TIAM1: variants seen among roughly 807,000 people sequenced by gnomAD.
TIAM1 encodes rho guanine nucleotide exchange factor TIAM1.
A neutral mutation model predicts 163.5 loss-of-function variants in TIAM1; 65 were observed. The observed-to-expected ratio is 0.40, with a 90% CI of 0.33 to 0.49. The LOEUF (loss-of-function observed/expected upper bound fraction) is 0.49. Ranked by LOEUF, TIAM1 falls within the 20% of genes least tolerant of loss-of-function variation. TIAM1 has a pLI of 0.77. For synonymous variants in TIAM1, 833 were observed against 810.1 expected (o/e 1.03, Z -0.48); for missense variants, 1,789 against 2,044.7 (o/e 0.87, Z 2.41).
intron 1 of TIAM1, among the ~76,000 whole-genome samples, chr21:31,520,224 G>A (rs926868216): frequency 2.0e-5 from 3 of 151,880 alleles, no homozygotes; most frequent in Admixed American, 6.6e-5. Context: ...CAAGCTACTC[G>A]GGAGGCTGGG....
At chr21:31,519,888 T>C (rs2047520559) in intron 1 of TIAM1, among the ~76,000 whole-genome samples, 1 of 152,030 alleles carries the variant, frequency 6.6e-6, no homozygotes, top group Non-Finnish European at 1.5e-5. Flanking sequence ...TGCCAGGGCC[T>C]GGAGGGAGGG....
intron 2 of TIAM1, among the ~76,000 whole-genome samples, chr21:31,456,903 C>T (rs2147339738): frequency 6.6e-6 from 1 of 152,344 alleles, no homozygotes; most frequent in Admixed American, 6.5e-5. Context: ...CTCTCTCCTT[C>T]TCTCACAGTT....
At chr21:31,236,362 C>T (rs1275469940) in intron 6 of TIAM1, among the ~76,000 whole-genome samples, 1 of 152,134 alleles carries the variant, frequency 6.6e-6, no homozygotes, top group African/African-American at 2.4e-5. Context: ...AATATTTCTA[C>T]AGTGGCTGGC....
At chr21:31,202,261 T>G (rs1181833603) in intron 12 of TIAM1, among the ~76,000 whole-genome samples, 2 of 151,786 alleles carry the variant, frequency 1.3e-5, no homozygotes, top group African/African-American at 2.4e-5. Flanking sequence ...CCAATTAAAA[T>G]AAAAGACTGG....
intron 2 of TIAM1, among the ~76,000 whole-genome samples, chr21:31,324,774 A>T (rs2075430541): frequency 6.6e-6 from 1 of 152,210 alleles, no homozygotes; most frequent in African/African-American, 2.4e-5. Context: ...CTGGAGACAA[A>T]GATTTTGGCT....
intron 2 of TIAM1, among the ~76,000 whole-genome samples, chr21:31,300,721 A>T (rs2074464931): frequency 6.6e-6 from 1 of 152,248 alleles, no homozygotes; most frequent in Non-Finnish European, 1.5e-5. Flanking sequence ...ACTATTGTTG[A>T]CTAAAGATGA....
intron 2 of TIAM1, among the ~76,000 whole-genome samples, chr21:31,356,714 G>T (rs1376007844): frequency 6.6e-6 from 1 of 152,194 alleles, no homozygotes. Context: ...CATTTCTGTT[G>T]TTTATAAATT....
intron 1 of TIAM1, among the ~76,000 whole-genome samples, chr21:31,496,192 A>T (rs1313832030): frequency 1.3e-5 from 2 of 151,962 alleles, no homozygotes; most frequent in Admixed American, 1.3e-4. Flanking sequence ...AAAAGGATGT[A>T]AAGAAGGAGA....
chr21:31,401,559 A>G (rs2077164572), intron 2 of TIAM1, among the ~76,000 whole-genome samples: 1 of 152,206 alleles, frequency 6.6e-6, no homozygotes. Context: ...ACCACCCATC[A>G]TACATACACC....
At chr21:31,179,717 A>G (rs2084926426) in intron 15 of TIAM1, among the ~76,000 whole-genome samples, 1 of 152,166 alleles carries the variant, frequency 6.6e-6, no homozygotes, top group African/African-American at 2.4e-5. Context: ...TCCACCACAC[A>G]AAAGACCAGA....
chr21:31,317,221 G>A (rs1299035471), intron 2 of TIAM1, among the ~76,000 whole-genome samples: 3 of 152,196 alleles, frequency 2.0e-5, no homozygotes, highest in South Asian at 2.1e-4. Flanking sequence ...TTGGGAGGCC[G>A]AAGAGGGTGG....
chr21:31,395,565 T>C lies in TIAM1; in HGVS notation c.-368-56143A>G, dbSNP rs80227165. ...CCCTGCATTTTCTGCCACAGGAGAA[T>C]GTATTGTTCTCTCCAACTGAGAAAG... On this transcript the variant is annotated intron_variant, in intron 2 of 28. Coordinates refer to the TIAM1 transcript ENST00000286827. This position sits in a 1 kb window ranked among gnomAD's most constrained non-coding sequence, Gnocchi z 7.5. Among the ~76,000 whole-genome samples the C allele has an allele frequency of 0.03, 4,509 of 152,254 alleles. 229 individuals are homozygous for C. The highest frequency in any genetic ancestry group is 0.1 in the African/African-American group (4,295 of 41,536).
chr21:31,263,078 A>T (rs1055124316), intron 4 of TIAM1, among the ~76,000 whole-genome samples: 2 of 152,226 alleles, frequency 1.3e-5, no homozygotes, highest in Non-Finnish European at 2.9e-5. Flanking sequence ...TTAGACTAGG[A>T]AATGTGGGCG....
At chr21:31,154,477 A>G (rs1751295003) in intron 16 of TIAM1, 51 bp from the exon 17 acceptor site, 1 of 1,575,946 alleles carries the variant, frequency 6.3e-7, no homozygotes, top group Non-Finnish European at 8.7e-7. Flanking sequence ...CCCTCATTAG[A>G]CGCACCTGAC....
At chr21:31,407,802 AT>A (rs1263948093) in intron 2 of TIAM1, among the ~76,000 whole-genome samples, 3 of 151,546 alleles carry the variant, frequency 2.0e-5, no homozygotes, top group Non-Finnish European at 1.5e-5. Context: ...CGCCTGGGTA[AT>A]TTTTTTGTAT....
intron 6 of TIAM1, among the ~76,000 whole-genome samples, chr21:31,239,579 A>T (rs1173781946): frequency 6.6e-6 from 1 of 152,202 alleles, no homozygotes; most frequent in African/African-American, 2.4e-5. Flanking sequence ...AACAAATGAC[A>T]CCATTAAGAG....
intron 1 of TIAM1, among the ~76,000 whole-genome samples, chr21:31,516,081 A>C (rs116286270): frequency 0.12 from 17,467 of 141,298 alleles, 1,364 homozygotes; most frequent in African/African-American, 0.2. Context: ...ACACTCCGGC[A>C]TGGGAGATAC....
chr21:31,245,568 C>G lies in TIAM1; in HGVS notation c.1504G>C (p.Val502Leu). ...KHAVWVENSI[V>L]QAVPEHPKKD... ...TTGGGGTGCTCAGGCACCGCCTGCA[C>G]AATGCTGTTCTCCACCCAGACGGCG... is the stretch of plus-strand genomic sequence containing the variant. Residue 502 changes from valine (V) to leucine (L), a missense_variant, in exon 6 of 28, where the codon GTG becomes CTG. Val to Leu is a conservative substitution (Grantham distance 32). This residue lies in a region of TIAM1 where 456 missense variants were observed against 586.6 expected (regional missense o/e 0.78). Transcript: ENST00000541036. 6.2e-7 allele frequency: 1 copy of G among 1,607,882 alleles called. No homozygotes were observed. The highest frequency in any genetic ancestry group is 1.3e-5 in the African/African-American group (1 of 74,734).
chr21:31,395,257 T>C lies in TIAM1; in HGVS notation c.-368-55835A>G, dbSNP rs1602175884. Among the ~76,000 whole-genome samples the C allele has an allele frequency of 7.0e-6, 1 of 143,634 alleles. No individual in the cohort carries two copies. Among genetic ancestry groups the C allele is most frequent in the African/African-American group, 2.6e-5 (1 of 38,500 alleles). The allele number at this position is 143,634 out of a possible 152,430, so 94.2% of individuals were successfully genotyped here. A position where few individuals can be genotyped will look rare whatever the true frequency, so the allele number is the denominator to read the frequency against. On this transcript the variant is annotated intron_variant, in intron 2 of 28. Coordinates refer to the TIAM1 transcript ENST00000286827. This position sits in a 1 kb window ranked among gnomAD's most constrained non-coding sequence, Gnocchi z 7.5. ...TGTCTCAAAAAAAAAAAAGAGGAGG[T>C]GGGGGGAGAACAAAACTAGTAATTG...
Sources: allele counts gnomAD v4.1 joint callset (sites outside exome capture counted in the v4.1 genomes callset), GRCh38; gene constraint gnomAD v4.1.1; regional missense constraint gnomAD v4.1.1; non-coding constraint Gnocchi (gnomAD v3.1); transcripts MANE v1.5; gene names NCBI Gene and HGNC (gene_info 2026-07-23, HGNC 2026-07-21).